Variants in CTNND2 observed in about 807,000 individuals in gnomAD.
CTNND2 encodes the protein catenin delta-2.
A neutral mutation model predicts 144.4 loss-of-function variants in CTNND2; 22 were observed. The observed-to-expected ratio is 0.15, with a 90% CI of 0.11 to 0.22. CTNND2 has a LOEUF of 0.22. Ranked by LOEUF, CTNND2 falls within the 10% of genes least tolerant of loss-of-function variation. The probability of loss-of-function intolerance (pLI) is 1.00; values close to 1 mark genes in which losing one functional copy is unlikely to be tolerated. For missense variants in CTNND2, 1,353 were observed against 1,618.8 expected (o/e 0.84, Z 2.82); for synonymous variants, 751 against 695.6 (o/e 1.08, Z -1.25).
At chr5:11,154,985 G>A (rs948871352) in intron 12 of CTNND2, among the ~76,000 whole-genome samples, 2 of 152,198 alleles carry the variant, frequency 1.3e-5, no homozygotes, top group Non-Finnish European at 2.9e-5. Context: ...AGTATGACCT[G>A]ATCTTCATGA....
chr5:11,105,465 G>A (rs1236599200), intron 14 of CTNND2, among the ~76,000 whole-genome samples: 7 of 152,188 alleles, frequency 4.6e-5, no homozygotes, highest in African/African-American at 7.2e-5. Context: ...ACCCTGCAAT[G>A]CACAGGCCGG....
chr5:11,147,209 C>A lies in CTNND2; in HGVS notation c.2159+12367G>T, dbSNP rs150536382. Among the ~76,000 whole-genome samples the A allele has an allele frequency of 2.6e-4, 39 of 152,268 alleles. No individual in the cohort carries two copies. The East Asian group carries it at 7.5e-3, about 29-fold the overall frequency. On this transcript the variant is annotated intron_variant, in intron 12 of 21. Coordinates refer to ENST00000304623, the MANE Select transcript of CTNND2 (RefSeq NM_001332.4). ...AAGTGATGGGCCTTAAATACCCAAG[C>A]ACACAGGCAAGAATATCCCTCCAAA...
intron 1 of CTNND2, among the ~76,000 whole-genome samples, chr5:11,878,608 G>A (rs925878470): frequency 1.3e-5 from 2 of 152,286 alleles, no homozygotes; most frequent in South Asian, 2.1e-4. Context: ...TGTTATTTCC[G>A]GAATCCTGAG....
chr5:11,279,301 T>A (rs1746874108), intron 9 of CTNND2, among the ~76,000 whole-genome samples: 1 of 152,176 alleles, frequency 6.6e-6, no homozygotes, highest in African/African-American at 2.4e-5. Context: ...CCTCTCACCA[T>A]TTCCAGCAGC....
intron 1 of CTNND2, among the ~76,000 whole-genome samples, chr5:11,780,785 A>C (rs2126847249): frequency 6.6e-6 from 1 of 152,256 alleles, no homozygotes; most frequent in South Asian, 2.1e-4. Flanking sequence ...AGTTGCTTAA[A>C]ATAGGTGATG....
At chr5:11,506,806 C>T (rs1255395578) in intron 3 of CTNND2, among the ~76,000 whole-genome samples, 1 of 152,218 alleles carries the variant, frequency 6.6e-6, no homozygotes, top group Non-Finnish European at 1.5e-5. Context: ...TAGATACCAG[C>T]TCACTCATAT....
Position 11,085,097 on chromosome 5 carries a change from T to G in CTNND2, c.2638-2251A>C, listed in dbSNP as rs369258903. Among the ~76,000 whole-genome samples the G allele has an allele frequency of 6.9e-4, 105 of 152,224 alleles. 1 individual carries two copies. The South Asian group carries it at 0.02, about 30-fold the overall frequency. On this transcript the variant is annotated intron_variant, in intron 15 of 21. Coordinates refer to ENST00000304623, the MANE Select transcript of CTNND2 (RefSeq NM_001332.4). ...TCCAGGTACTAGCCACACCCCCCAA[T>G]GCTGGATGAAAAGGTGATTTGGTAT... is the stretch of plus-strand genomic sequence containing the variant.
intron 10 of CTNND2, among the ~76,000 whole-genome samples, chr5:11,232,318 C>T (rs569562586): frequency 1.1e-3 from 76 of 69,794 alleles, no homozygotes; most frequent in Admixed American, 9.4e-3. Flanking sequence ...GCACCATGTG[C>T]CTGGAAAAGC....
At chr5:11,341,986 G>C (rs956649804) in intron 9 of CTNND2, among the ~76,000 whole-genome samples, 1 of 152,244 alleles carries the variant, frequency 6.6e-6, no homozygotes, top group East Asian at 1.9e-4. Context: ...CTCCAGCCTG[G>C]GTGACAGGGC....
At chr5:11,751,579 G>A (rs576910906) in intron 1 of CTNND2, among the ~76,000 whole-genome samples, 15 of 151,866 alleles carry the variant, frequency 9.9e-5, no homozygotes, top group African/African-American at 3.4e-4. Flanking sequence ...CTTTTTAATG[G>A]CTGCATAGTA....
chr5:11,379,898 C>T (rs926832269), intron 7 of CTNND2, among the ~76,000 whole-genome samples: 1 of 152,196 alleles, frequency 6.6e-6, no homozygotes, highest in African/African-American at 2.4e-5. Context: ...TCTGCGCCTT[C>T]ATGTCTCACC....
intron 2 of CTNND2, among the ~76,000 whole-genome samples, chr5:11,565,898 G>A (rs912226469): frequency 6.6e-6 from 1 of 151,912 alleles, no homozygotes; most frequent in Non-Finnish European, 1.5e-5. Flanking sequence ...GGAATGGCAG[G>A]GAAAGTTTTT....
At chr5:11,117,674 C>A (rs1753701971) in intron 12 of CTNND2, 107 bp from the exon 13 acceptor site, 1 of 827,886 alleles carries the variant, frequency 1.2e-6, no homozygotes, top group Middle Eastern at 2.3e-4. Context: ...TTTTTCCCCA[C>A]TTTTTCAGAA....
chr5:11,479,016 G>A (rs1768001908), intron 3 of CTNND2, among the ~76,000 whole-genome samples: 5 of 152,076 alleles, frequency 3.3e-5, no homozygotes, highest in Admixed American at 3.3e-4. Flanking sequence ...AAAAAATTAG[G>A]TTTGGGGTAC....
chr5:11,182,191 GGTATGTGT>G (rs1735136978), intron 11 of CTNND2, among the ~76,000 whole-genome samples: 1 of 143,790 alleles, frequency 7.0e-6, no homozygotes, highest in African/African-American at 2.6e-5. Context: ...GTGTGTGTGG[GGTATGTGT>G]GTGTGGGTGT....
At chr5:11,081,815 C>T (rs1749605576) in intron 16 of CTNND2, among the ~76,000 whole-genome samples, 1 of 152,140 alleles carries the variant, frequency 6.6e-6, no homozygotes, top group South Asian at 2.1e-4. Flanking sequence ...TTGATGGTTG[C>T]CAGGGGCTGG....
At chr5:11,197,851 G>A (rs1737029027) in intron 11 of CTNND2, among the ~76,000 whole-genome samples, 1 of 152,224 alleles carries the variant, frequency 6.6e-6, no homozygotes, top group Non-Finnish European at 1.5e-5. Flanking sequence ...AATCAGGGAA[G>A]CCACAACAGA....
intron 2 of CTNND2, among the ~76,000 whole-genome samples, chr5:11,628,390 C>T (rs543000377): frequency 2.0e-5 from 3 of 152,210 alleles, no homozygotes; most frequent in Admixed American, 2.0e-4. Context: ...ACTCAATTCT[C>T]AAAACAGTAC....
Position 11,273,385 on chromosome 5 carries a change from C to T in CTNND2, c.1629-36562G>A, listed in dbSNP as rs527938923. On this transcript the variant is annotated intron_variant, in intron 9 of 21. Transcript: ENST00000304623. The stretch of plus-strand genomic sequence containing the variant: ...TGTAACTGGCTAAGTGTATGAGTCA[C>T]GCTGCCTTCAGTGAGCCAGATGCAA... 3.9e-5 allele frequency among the ~76,000 whole-genome samples: 6 copies of T among 152,290 alleles called. No individual in the cohort carries two copies. The South Asian group carries it at 1.2e-3, about 32-fold the overall frequency.
Sources: allele counts gnomAD v4.1 joint callset (sites outside exome capture counted in the v4.1 genomes callset), GRCh38; gene constraint gnomAD v4.1.1; transcripts MANE v1.5; gene names NCBI Gene and HGNC (gene_info 2026-07-23, HGNC 2026-07-21).